FBN1: variants seen among roughly 807,000 people sequenced by gnomAD.
The protein encoded by FBN1 is fibrillin-1.
A neutral mutation model predicts 365.1 loss-of-function variants in FBN1; 29 were observed. The observed-to-expected ratio is 0.08, with a 90% confidence interval of 0.06 to 0.11. The LOEUF is 0.11. Among genes scored for constraint, FBN1 ranks in the 10% least tolerant of loss-of-function variants. The pLI is 1.00. For missense variants in FBN1, 2,476 were observed against 3,703.2 expected (o/e 0.67, Z 8.60); for synonymous variants, 1,210 against 1,270.5 (o/e 0.95, Z 1.01).
At chr15:48,457,952 T>C (rs1050876689) in intron 43 of FBN1, among the ~76,000 whole-genome samples, 4 of 152,156 alleles carry the variant, frequency 2.6e-5, no homozygotes, top group African/African-American at 7.2e-5. Flanking sequence ...GATCGTATTA[T>C]GGTGATTTCC....
chr15:48,445,463 T>G lies in FBN1; in HGVS notation c.5830A>C (p.Asn1944His). The G allele has an allele frequency of 6.2e-7, 1 of 1,612,970 alleles. No individual in the cohort carries two copies. The highest frequency in any genetic ancestry group is 1.1e-5 in the South Asian group (1 of 91,062). The change falls in exon 48 of 66, where the codon AAT (asparagine) becomes CAT (histidine). Residue 1944 changes from asparagine to histidine, a missense_variant. Around this residue, in one of 5 missense-constraint regions of FBN1, gnomAD observed 1,780 missense variants for 2,840.8 expected, o/e 0.63. Transcript: ENST00000316623. ...CASGNGNLCRNGQCINTVGSF... is the reference protein window; with the variant it reads ...CASGNGNLCRHGQCINTVGSF... ...CCCACTGTATTAATGCATTGGCCAT[T>G]TCTGCAAAGATTCCCATTTCCACTT... is the stretch of plus-strand genomic sequence containing the variant.
intron 55 of FBN1, 121 bp from the exon 56 acceptor site, chr15:48,430,923 G>C (rs2043019171): frequency 1.1e-5 from 10 of 897,558 alleles, no homozygotes; most frequent in Non-Finnish European, 1.8e-5. Flanking sequence ...TTCACTACTG[G>C]CTGTATTTCC....
intron 6 of FBN1, among the ~76,000 whole-genome samples, chr15:48,587,163 T>C (rs7169848): frequency 0.12 from 18,349 of 152,164 alleles, 3,805 homozygotes; most frequent in African/African-American, 0.43. Context: ...CCCCATGTAT[T>C]TGTCCAACAT....
intron 6 of FBN1, among the ~76,000 whole-genome samples, chr15:48,572,427 A>T (rs1034113137): frequency 1.3e-5 from 2 of 152,098 alleles, no homozygotes; most frequent in Non-Finnish European, 2.9e-5. Context: ...AATTAAAATT[A>T]GATTTTCCAA....
chr15:48,605,562 A>G (rs2044600778), intron 4 of FBN1, among the ~76,000 whole-genome samples: 1 of 152,192 alleles, frequency 6.6e-6, no homozygotes, highest in East Asian at 1.9e-4. Flanking sequence ...TGAAATAACA[A>G]ACAATTCAAT....
At chr15:48,452,476 A>G in intron 45 of FBN1, 86 bp downstream of exon 45, 1 of 1,475,368 alleles carries the variant, frequency 6.8e-7, no homozygotes, top group East Asian at 2.3e-5. Flanking sequence ...CTTCAGCTTA[A>G]CTATCTGAAA....
chr15:48,605,993 T>C (rs1457782066), intron 4 of FBN1, among the ~76,000 whole-genome samples: 2 of 151,942 alleles, frequency 1.3e-5, no homozygotes, highest in Non-Finnish European at 1.5e-5. Flanking sequence ...CACTATCCAA[T>C]AGGGAAATGC....
intron 53 of FBN1, among the ~76,000 whole-genome samples, chr15:48,436,707 C>A (rs1261597212): frequency 6.6e-6 from 1 of 152,126 alleles, no homozygotes; most frequent in Non-Finnish European, 1.5e-5. Flanking sequence ...CAGTGTCTGC[C>A]TTCACCATTA....
intron 5 of FBN1, among the ~76,000 whole-genome samples, chr15:48,599,298 A>C (rs1024002292): frequency 6.6e-6 from 1 of 152,210 alleles, no homozygotes; most frequent in African/African-American, 2.4e-5. Context: ...CATCCAGGTA[A>C]TAGAGTACTA....
Position 48,474,369 on chromosome 15 carries a change from C to G in FBN1, c.4096G>C (p.Glu1366Gln), listed in dbSNP as rs763449629. The stretch of plus-strand genomic sequence containing the variant: ...CACATATGGGTTCCATTGGAACATT[C>G]GTCCAGATCTTATAGAAAAAGGTTA... ...GDGIKCTDLDECSNGTHMCSQ... is the reference protein window; with the variant it reads ...GDGIKCTDLDQCSNGTHMCSQ... Residue 1366 changes from glutamate (E) to glutamine (Q), a missense_variant, in exon 34 of 66, where the codon GAA becomes CAA. By Grantham distance (29) the Glu-to-Gln change is conservative (BLOSUM62 2). Around this residue, in one of 5 missense-constraint regions of FBN1, gnomAD observed 1,780 missense variants for 2,840.8 expected, o/e 0.63. Coordinates refer to ENST00000316623, the MANE Select transcript of FBN1 (RefSeq NM_000138.5). 1 of 1,613,972 alleles carries G rather than the reference C, an allele frequency of 6.2e-7. No homozygotes were observed. The highest frequency in any genetic ancestry group is 8.5e-7 in the Non-Finnish European group (1 of 1,179,976).
In FBN1 at chr15:48,463,371, AC is replaced by A. The variant is rs1338592567; in HGVS notation, c.5066-132del. 4.3e-6 allele frequency: 4 copies of A among 930,810 alleles called. No individual in the cohort carries two copies. In the African/African-American group the frequency reaches 6.5e-5, roughly 15 times the overall value. 57.7% of individuals were successfully genotyped at this position (930,810 alleles called of 1,614,324 possible). The stretch of plus-strand genomic sequence containing the variant: ...ATTGTAGCTTGACTTTGATAAGGAC[AC>A]AAAAAACTTGCTCTTACACAACTTT... On this transcript the variant is annotated intron_variant, in intron 41 of 65. Coordinates refer to ENST00000316623, the MANE Select transcript of FBN1 (RefSeq NM_000138.5).
Position 48,408,401 on chromosome 15 carries a change from T to G in FBN1, c.*2589A>C, listed in dbSNP as rs987329080. The stretch of plus-strand genomic sequence containing the variant: ...GTATTTGTAATGGCAATATCCAAAG[T>G]GATTTTGGCTGAGTAAACTGCTATT... On this transcript the variant is annotated 3_prime_UTR_variant, in exon 66 of 66. Transcript: ENST00000316623. 2 of 152,662 alleles carry G rather than the reference T, an allele frequency of 1.3e-5. No homozygotes were observed. Among genetic ancestry groups the G allele is most frequent in the Non-Finnish European group, 2.9e-5 (2 of 68,036 alleles). 9.5% of individuals were successfully genotyped at this position (152,662 alleles called of 1,614,324 possible). A position where few individuals can be genotyped will look rare whatever the true frequency, so the allele number is the denominator to read the frequency against.
chr15:48,589,760 C>T (rs933774695), intron 6 of FBN1, among the ~76,000 whole-genome samples: 1 of 151,874 alleles, frequency 6.6e-6, no homozygotes, highest in African/African-American at 2.4e-5. Context: ...ACTATAGGTG[C>T]CCACCACCAC....
intron 32 of FBN1, among the ~76,000 whole-genome samples, chr15:48,475,618 A>T (rs548123894): frequency 2.0e-5 from 3 of 152,358 alleles, no homozygotes; most frequent in Admixed American, 6.5e-5. Context: ...ATCTTAGGTC[A>T]AGAAGAACAA....
chr15:48,414,142 G>C (rs1420033585), intron 64 of FBN1, among the ~76,000 whole-genome samples: 1 of 152,128 alleles, frequency 6.6e-6, no homozygotes, highest in African/African-American at 2.4e-5. Context: ...AATCCCACTG[G>C]CCAAAAGCCA....
At chr15:48,509,593 AGAAAAT>A (rs2043741842) in intron 14 of FBN1, among the ~76,000 whole-genome samples, 1 of 147,522 alleles carries the variant, frequency 6.8e-6, no homozygotes, top group South Asian at 2.1e-4. Flanking sequence ...TTACATATAT[AGAAAAT>A]ATACATAACA....
intron 14 of FBN1, among the ~76,000 whole-genome samples, chr15:48,509,711 T>C (rs1252348949): frequency 6.6e-6 from 1 of 151,744 alleles, no homozygotes; most frequent in Non-Finnish European, 1.5e-5. Context: ...TATAAACGGC[T>C]AGATAATACA....
intron 64 of FBN1, among the ~76,000 whole-genome samples, chr15:48,413,769 C>G (rs1263863605): frequency 6.6e-6 from 1 of 152,198 alleles, no homozygotes; most frequent in Non-Finnish European, 1.5e-5. Flanking sequence ...TCTGTAATAG[C>G]TGATCTGCTC....
At chr15:48,458,397 C>T (rs1217813835) in intron 43 of FBN1, among the ~76,000 whole-genome samples, 2 of 152,198 alleles carry the variant, frequency 1.3e-5, no homozygotes, top group Non-Finnish European at 1.5e-5. Flanking sequence ...CTTAGAATCT[C>T]AAAGGGTTCA....
Sources: allele counts gnomAD v4.1 joint callset (sites outside exome capture counted in the v4.1 genomes callset), GRCh38; gene constraint gnomAD v4.1.1; regional missense constraint gnomAD v4.1.1; transcripts MANE v1.5; gene names NCBI Gene and HGNC (gene_info 2026-07-23, HGNC 2026-07-21).